Variants in RBFOX1 observed in about 807,000 individuals in gnomAD.
RBFOX1 encodes RNA binding protein fox-1 homolog 1.
In RBFOX1, 8 loss-of-function variants were observed where a neutral mutation model predicts 57.7. The ratio of observed to expected loss-of-function variants is 0.14; its 90% CI spans 0.08 to 0.25. The LOEUF is 0.25. Ranked by LOEUF, RBFOX1 falls within the 10% of genes least tolerant of loss-of-function variation. The pLI, the probability that RBFOX1 is intolerant of heterozygous loss-of-function variation, is 1.00. For missense variants in RBFOX1, 611 were observed against 548.5 expected, an observed-to-expected ratio of 1.11 and a Z score of -1.14; for synonymous variants, 326 against 222.4, an observed-to-expected ratio of 1.47 and a Z score of -4.15.
At chr16:7,165,963 C>CACACACACATACAT (rs1251061172) in intron 4 of RBFOX1, among the ~76,000 whole-genome samples, 1 of 76,042 alleles carries the variant, frequency 1.3e-5, no homozygotes, top group Non-Finnish European at 3.6e-5. Flanking sequence ...CACACACACA[C>CACACACACATACAT]ACATACATAC....
chr16:5,881,276 G>T (rs2057754267), intron 4 of RBFOX1, among the ~76,000 whole-genome samples: 1 of 152,170 alleles, frequency 6.6e-6, no homozygotes, highest in Non-Finnish European at 1.5e-5. Context: ...TGATTTTGTT[G>T]CATGTATTCA....
intron 3 of RBFOX1, among the ~76,000 whole-genome samples, chr16:5,691,958 C>G (rs1468693003): frequency 6.6e-6 from 1 of 152,082 alleles, no homozygotes; most frequent in East Asian, 1.9e-4. Flanking sequence ...ACATGTAACA[C>G]GAAGGCTGAG....
chr16:7,345,788 G>A (rs2096988664), intron 4 of RBFOX1, among the ~76,000 whole-genome samples: 1 of 152,114 alleles, frequency 6.6e-6, no homozygotes, highest in African/African-American at 2.4e-5. Flanking sequence ...GACGCCGTCT[G>A]CATGTGTATT....
intron 4 of RBFOX1, among the ~76,000 whole-genome samples, chr16:5,949,653 TACA>T (rs1479038020): frequency 6.6e-6 from 1 of 152,160 alleles, no homozygotes; most frequent in Non-Finnish European, 1.5e-5. Context: ...GTTGGTCTTT[TACA>T]ACAATTAACA....
chr16:5,669,722 A>G (rs560811917), intron 3 of RBFOX1, among the ~76,000 whole-genome samples: 1 of 152,296 alleles, frequency 6.6e-6, no homozygotes, highest in South Asian at 2.1e-4. Flanking sequence ...CGGGCCCAAG[A>G]TGGCTTTTTG....
chr16:6,459,635 A>G lies in RBFOX1; in HGVS notation c.-64+142578A>G, dbSNP rs547107629. On this transcript the variant is annotated intron_variant, in intron 2 of 15. Transcript: ENST00000550418. ...GCATCCATATATCCAAACAATATAG[A>G]TATATGGAATATAGAAAATACCAAT... Among the ~76,000 whole-genome samples the G allele has an allele frequency of 7.9e-5, 12 of 152,240 alleles. No homozygotes were observed. In the East Asian group the frequency reaches 1.7e-3, roughly 22 times the overall value.
chr16:5,407,814 G>A (rs1596907258), intron 1 of RBFOX1, among the ~76,000 whole-genome samples: 1 of 152,310 alleles, frequency 6.6e-6, no homozygotes, highest in Middle Eastern at 3.4e-3. Flanking sequence ...CTCCCAAAGT[G>A]CTGGGATTAC....
At chr16:7,678,802 C>G (rs1179982015) in intron 14 of RBFOX1, among the ~76,000 whole-genome samples, 1 of 152,140 alleles carries the variant, frequency 6.6e-6, no homozygotes, top group Non-Finnish European at 1.5e-5. Context: ...CATGTAAAAT[C>G]TGTTATTTTG....
intron 3 of RBFOX1, among the ~76,000 whole-genome samples, chr16:6,949,532 C>G (rs957279249): frequency 2.0e-5 from 3 of 152,158 alleles, no homozygotes; most frequent in Admixed American, 1.3e-4. Flanking sequence ...TTGGGCCTCT[C>G]TCCCTGGTTT....
intron 5 of RBFOX1, among the ~76,000 whole-genome samples, chr16:7,556,122 T>A (rs2088370903): frequency 6.6e-6 from 1 of 152,198 alleles, no homozygotes; most frequent in Non-Finnish European, 1.5e-5. Flanking sequence ...ACTCTAAATT[T>A]TCTAGATCTT....
At chr16:6,293,272 C>G (rs961097031) in intron 1 of RBFOX1, among the ~76,000 whole-genome samples, 2 of 152,110 alleles carry the variant, frequency 1.3e-5, no homozygotes, top group Non-Finnish European at 2.9e-5. Flanking sequence ...GGGTATAAAC[C>G]TAGACACTCT....
intron 14 of RBFOX1, among the ~76,000 whole-genome samples, chr16:7,695,217 C>G (rs945783571): frequency 1.3e-5 from 2 of 152,124 alleles, no homozygotes; most frequent in Non-Finnish European, 2.9e-5. Context: ...TCCGTTTGAA[C>G]TCTGAATTTT....
chr16:7,687,374 C>T (rs988182889), intron 14 of RBFOX1, among the ~76,000 whole-genome samples: 1 of 151,986 alleles, frequency 6.6e-6, no homozygotes, highest in African/African-American at 2.4e-5. Context: ...AGCTTCCAGA[C>T]AGGCAAGTCC....
intron 4 of RBFOX1, among the ~76,000 whole-genome samples, chr16:7,309,694 A>C (rs1320781694): frequency 6.6e-6 from 1 of 152,166 alleles, no homozygotes; most frequent in Non-Finnish European, 1.5e-5. Context: ...TTGTTTATTC[A>C]TATTGGCCGG....
intron 2 of RBFOX1, among the ~76,000 whole-genome samples, chr16:6,447,724 GC>G (rs2094512829): frequency 1.3e-5 from 2 of 152,290 alleles, no homozygotes; most frequent in African/African-American, 4.8e-5. Context: ...CCGCCTGTAT[GC>G]CACACCAAAT....
intron 1 of RBFOX1, among the ~76,000 whole-genome samples, chr16:5,421,352 CAGCAGCCTG>C (rs1225892776): frequency 6.6e-6 from 1 of 152,200 alleles, no homozygotes; most frequent in Non-Finnish European, 1.5e-5. Flanking sequence ...TCTGTGAAGG[CAGCAGCCTG>C]AGTCTGGCTT....
At chr16:6,767,333 A>T (rs2077476296) in intron 3 of RBFOX1, among the ~76,000 whole-genome samples, 1 of 152,082 alleles carries the variant, frequency 6.6e-6, no homozygotes, top group Non-Finnish European at 1.5e-5. Flanking sequence ...TGAGCCTGAA[A>T]TTGATGGCCA....
At chr16:7,302,352 C>A (rs190759409) in intron 4 of RBFOX1, among the ~76,000 whole-genome samples, 2 of 152,218 alleles carry the variant, frequency 1.3e-5, no homozygotes, top group Non-Finnish European at 2.9e-5. Context: ...TTTGATTAGC[C>A]TGCAAAGTGA....
At chr16:6,387,306 C>T (rs2092346186) in intron 2 of RBFOX1, among the ~76,000 whole-genome samples, 1 of 152,018 alleles carries the variant, frequency 6.6e-6, no homozygotes, top group Non-Finnish European at 1.5e-5. Context: ...CATTTCTCCC[C>T]ATTGCTATTT....
Sources: allele counts gnomAD v4.1 joint callset (sites outside exome capture counted in the v4.1 genomes callset), GRCh38; gene constraint gnomAD v4.1.1; transcripts MANE v1.5; gene names NCBI Gene and HGNC (gene_info 2026-07-23, HGNC 2026-07-21).